Variants in COPS7B observed in about 807,000 individuals in gnomAD.
COPS7B encodes COP9 signalosome complex subunit 7b.
In COPS7B, 9 loss-of-function variants were observed where a neutral mutation model predicts 33.4. The observed-to-expected ratio is 0.27, with a 90% CI of 0.16 to 0.47. The LOEUF is 0.47. Among genes scored for constraint, COPS7B ranks in the 20% least tolerant of loss-of-function variants. The pLI, the probability that COPS7B is intolerant of heterozygous loss-of-function variation, is 0.99. For synonymous variants in COPS7B, 119 were observed against 126.3 expected (o/e 0.94, Z 0.39); for missense variants, 242 against 318.2 (o/e 0.76, Z 1.82).
intron 6 of COPS7B, chr2:231,801,139 G>T (rs1488370117): frequency 5.2e-6 from 8 of 1,550,444 alleles, no homozygotes; most frequent in Non-Finnish European, 7.0e-6. Context: ...CCTTAAATTA[G>T]ATTGCTTGTT....
At chr2:231,791,944 C>T (rs146221488) in intron 3 of COPS7B, 136 bp downstream of exon 3, 33 of 761,122 alleles carry the variant, frequency 4.3e-5, no homozygotes, top group East Asian at 2.9e-4. Context: ...TTGCTGTGCC[C>T]GGTGGGTGAC....
Position 231,801,035 on chromosome 2 carries a change from G to T in COPS7B, c.636+2071G>T. The T allele has an allele frequency of 2.2e-6, 2 of 892,710 alleles. 1 individual carries two copies. Among genetic ancestry groups the T allele is most frequent in the South Asian group, 2.9e-5 (2 of 68,256 alleles). The allele number at this position is 892,710 out of a possible 1,614,324, so 55.3% of individuals were successfully genotyped here. On this transcript the variant is annotated intron_variant, in intron 6 of 6. Coordinates refer to ENST00000350033, the MANE Select transcript of COPS7B (RefSeq NM_022730.4). ...ATCTACAAAGAATCAGGGTGATTCT[G>T]TCGTATTCTGTTTGTATTTATGCCT...
At chr2:231,793,058 C>T (rs981091970) in intron 3 of COPS7B, among the ~76,000 whole-genome samples, 2 of 152,088 alleles carry the variant, frequency 1.3e-5, no homozygotes, top group Non-Finnish European at 1.5e-5. Context: ...AGCAGACTGC[C>T]TGTAGCCAGT....
upstream of COPS7B, among the ~76,000 whole-genome samples, chr2:231,785,172 C>G (rs1372018249): frequency 6.6e-6 from 1 of 152,228 alleles, no homozygotes; most frequent in East Asian, 1.9e-4. Flanking sequence ...GCCTCCAATT[C>G]TCTCCACATC....
At chr2:231,793,963 T>C in intron 3 of COPS7B, 1 of 338,800 alleles carries the variant, frequency 3.0e-6, no homozygotes, top group Non-Finnish European at 5.6e-6. Flanking sequence ...TGAAGATATG[T>C]TTAATTTAAT....
intron 6 of COPS7B, among the ~76,000 whole-genome samples, chr2:231,799,950 A>G (rs575190547): frequency 1.8e-4 from 28 of 152,214 alleles, no homozygotes; most frequent in Non-Finnish European, 2.6e-4. Context: ...TCTCATGCCT[A>G]ACCCATAGTA....
In COPS7B at chr2:231,794,361, T is replaced by C; in HGVS notation, c.327+10T>C. ...GGCATCAAGAATGAAGGTACGGTAC[T>C]GAGCCTTCTCTTGTCTTCCTCCTTA... On this transcript the variant is annotated intron_variant, in intron 4 of 6. Transcript: ENST00000350033. 1 of 1,606,712 alleles carries C rather than the reference T, an allele frequency of 6.2e-7. No individual in the cohort carries two copies. The highest frequency in any genetic ancestry group is 8.5e-7 in the Non-Finnish European group (1 of 1,173,560).
In COPS7B at chr2:231,809,022, G is replaced by C. The variant is rs2049978251; in HGVS notation, c.*1377G>C. 1.3e-5 allele frequency: 2 copies of C among 152,192 alleles called. No individual in the cohort carries two copies. The highest frequency in any genetic ancestry group is 1.3e-4 in the Admixed American group (2 of 15,264). 9.4% of individuals were successfully genotyped at this position (152,192 alleles called of 1,614,324 possible). On this transcript the variant is annotated 3_prime_UTR_variant, in exon 7 of 7. Transcript: ENST00000350033. ...ATGCTGTTTCCCCATGTTTAGCCAT[G>C]GTCAAAAAATGGATTTCTCCTTTTT...
Position 231,801,039 on chromosome 2 carries a change from T to A in COPS7B, c.636+2075T>A. On this transcript the variant is annotated intron_variant, in intron 6 of 6. Transcript: ENST00000350033. ...ACAAAGAATCAGGGTGATTCTGTCG[T>A]ATTCTGTTTGTATTTATGCCTCTGT... 4 of 918,346 alleles carry A rather than the reference T, an allele frequency of 4.4e-6. No homozygotes were observed. In the South Asian group the frequency reaches 5.8e-5, roughly 13 times the overall value. 56.9% of individuals were successfully genotyped at this position (918,346 alleles called of 1,614,324 possible).
chr2:231,786,280 C>G (rs1256324925), upstream of COPS7B: 4 of 231,024 alleles, frequency 1.7e-5, no homozygotes, highest in Non-Finnish European at 2.9e-5. Context: ...GCCTGGTTCC[C>G]GGGCTGCAGA....
intron 6 of COPS7B, among the ~76,000 whole-genome samples, chr2:231,801,938 C>T (rs1018609622): frequency 6.6e-6 from 1 of 152,068 alleles, no homozygotes; most frequent in Non-Finnish European, 1.5e-5. Context: ...CCACGCCCAG[C>T]TAATTTTTGT....
In COPS7B at chr2:231,788,692, A is replaced by T. The variant is rs1455215838; in HGVS notation, c.122A>T (p.Tyr41Phe). 7 of 1,614,184 alleles carry T rather than the reference A, an allele frequency of 4.3e-6. No homozygotes were observed. The highest frequency in any genetic ancestry group is 5.9e-6 in the Non-Finnish European group (7 of 1,180,026). Residue 41 changes from tyrosine to phenylalanine, a missense_variant, in exon 2 of 7, where the codon TAT (tyrosine) becomes TTT (phenylalanine). Coordinates refer to ENST00000350033, the MANE Select transcript of COPS7B (RefSeq NM_022730.4). ...CAGGTCTTAGAGGCTCCCGGAGTGTATGTCTTTGGAGAACTTCTGGAGCTG... is the reference window on the plus strand; with the variant it reads ...CAGGTCTTAGAGGCTCCCGGAGTGTTTGTCTTTGGAGAACTTCTGGAGCTG... ...ISQVLEAPGVYVFGELLELAN... is the reference protein window; with the variant it reads ...ISQVLEAPGVFVFGELLELAN...
chr2:231,796,184 G>C lies in COPS7B; in HGVS notation c.406G>C (p.Val136Leu). Residue 136 changes from valine (V) to leucine (L), a missense_variant, in exon 5 of 7, where the codon GTC becomes CTC. Coordinates refer to ENST00000350033, the MANE Select transcript of COPS7B (RefSeq NM_022730.4). ...ACTAGAAGACCTTATCATTGAGGCT[G>C]TCTACACTGACATCATCCAGGGCAA... is the stretch of plus-strand genomic sequence containing the variant. ...RELEDLIIEA[V>L]YTDIIQGKLD... is the part of the protein sequence containing the mutation. The C allele has an allele frequency of 6.2e-7, 1 of 1,614,138 alleles. No homozygotes were observed. Among genetic ancestry groups the C allele is most frequent in the Non-Finnish European group, 8.5e-7 (1 of 1,180,008 alleles).
rs1004907406 is a variant in COPS7B at position 231,808,182 on chromosome 2, C to T, written c.*537C>T. 39 of 298,522 alleles carry T rather than the reference C, an allele frequency of 1.3e-4. No individual in the cohort carries two copies. Among genetic ancestry groups the T allele is most frequent in the Non-Finnish European group, 2.0e-4 (30 of 151,094 alleles). The allele number at this position is 298,522 out of a possible 1,614,324, so 18.5% of individuals were successfully genotyped here. A position where few individuals can be genotyped will look rare whatever the true frequency, so the allele number is the denominator to read the frequency against. Reference sequence around the variant, plus strand: ...CCTTGTTGGCAGCTCCAGTTCAGGCCGTGGAGGGACGTGATGCTGGGCTGT... The same window carrying T: ...CCTTGTTGGCAGCTCCAGTTCAGGCTGTGGAGGGACGTGATGCTGGGCTGT... On this transcript the variant is annotated 3_prime_UTR_variant, in exon 7 of 7. Transcript: ENST00000350033.
chr2:231,782,556 T>C (rs1430023024), upstream of COPS7B, among the ~76,000 whole-genome samples: 2 of 152,188 alleles, frequency 1.3e-5, no homozygotes, highest in African/African-American at 4.8e-5. Flanking sequence ...TTTTCTTCCA[T>C]GTAATTCAAC....
intron 1 of COPS7B, among the ~76,000 whole-genome samples, chr2:231,787,988 G>A (rs1033978830): frequency 2.0e-5 from 3 of 152,212 alleles, no homozygotes; most frequent in Non-Finnish European, 4.4e-5. Flanking sequence ...GACTTAGAAG[G>A]TGTTGCCTCT....
At chr2:231,794,492 A>G in intron 4 of COPS7B, 141 bp downstream of exon 4, 1 of 657,150 alleles carries the variant, frequency 1.5e-6, no homozygotes, top group Non-Finnish European at 2.6e-6. Flanking sequence ...AAAAGATAAA[A>G]TGGTGTAGAA....
In COPS7B at chr2:231,807,719, C is replaced by T. The variant is rs1369948506; in HGVS notation, c.*74C>T. 4 of 1,368,528 alleles carry T rather than the reference C, an allele frequency of 2.9e-6. No homozygotes were observed. Among genetic ancestry groups the T allele is most frequent in the African/African-American group, 1.5e-5 (1 of 68,008 alleles). 84.8% of individuals were successfully genotyped at this position (1,368,528 alleles called of 1,614,324 possible). The stretch of plus-strand genomic sequence containing the variant: ...GGGACACCAAGGGCCCATTTCCTCC[C>T]CTCTCTACCTGCAGTGAGTTCCAGA... On this transcript the variant is annotated 3_prime_UTR_variant, in exon 7 of 7. Coordinates refer to ENST00000350033, the MANE Select transcript of COPS7B (RefSeq NM_022730.4).
intron 2 of COPS7B, chr2:231,790,733 T>G (rs1164687335): frequency 6.8e-6 from 1 of 147,550 alleles, no homozygotes; most frequent in African/African-American, 2.5e-5. Context: ...CGTTTGTGAT[T>G]TTTTTTTTTT....
Sources: gnomAD v4.1 joint callset for allele counts (sites outside exome capture counted in the v4.1 genomes callset) on GRCh38, gnomAD v4.1.1 for gene constraint, MANE v1.5 for transcripts, NCBI Gene and HGNC (gene_info 2026-07-23, HGNC 2026-07-21) for gene names.